The following P2RX5 variants were observed in gnomAD, a reference collection of about 807,000 sequenced individuals.
P2RX5 encodes purinergic receptor P2X 5.
P2RX5 carries 46 observed loss-of-function variants against 54.1 expected under a neutral mutation model. That is an observed-to-expected ratio of 0.85 (90% confidence interval 0.67 to 1.09). The LOEUF is 1.09. P2RX5 is among the 50% of genes least tolerant of loss of function. The pLI is 0.00. For missense variants in P2RX5, 566 were observed against 549.8 expected (o/e 1.03, Z -0.29); for synonymous variants, 226 against 226.4 (o/e 1.00, Z 0.02).
At chr17:3,723,374 C>G in the P2RX5 span, 1 of 1,612,200 alleles carries the variant, frequency 6.2e-7, no homozygotes, top group Non-Finnish European at 8.5e-7. Flanking sequence ...GAATGCCATT[C>G]TTCCACATGC....
At chr17:3,685,171 A>G (rs1337738834) in intron 9 of P2RX5, among the ~76,000 whole-genome samples, 1 of 152,064 alleles carries the variant, frequency 6.6e-6, no homozygotes, top group African/African-American at 2.4e-5. Context: ...TAGCAGAAGT[A>G]GAGATAGAGA....
Position 3,696,125 on chromosome 17 carries a change from C to T in P2RX5, c.-120G>A. On this transcript the variant is annotated 5_prime_UTR_variant, in exon 1 of 12. Coordinates refer to ENST00000225328, the MANE Select transcript of P2RX5 (RefSeq NM_002561.4). ...CGGCCCGTCTGCGCCCGCTCAGCTGCAGCCCGGGGTGTCCGGCAGGGCTGC... is the reference window on the plus strand; with the variant it reads ...CGGCCCGTCTGCGCCCGCTCAGCTGTAGCCCGGGGTGTCCGGCAGGGCTGC... The T allele has an allele frequency of 3.6e-6, 4 of 1,098,380 alleles. No homozygotes were observed. Among genetic ancestry groups the T allele is most frequent in the Non-Finnish European group, 3.6e-6 (3 of 833,080 alleles). 68.0% of individuals were successfully genotyped at this position (1,098,380 alleles called of 1,614,324 possible). A position where few individuals can be genotyped will look rare whatever the true frequency, so the allele number is the denominator to read the frequency against.
chr17:3,691,031 A>G lies in P2RX5; in HGVS notation c.289-4T>C, dbSNP rs780114576. ...CCACAAAAAAGACGTTCTCTCCCTA[A>G]GGAACCAGAGAGGCACTGAGGAACC... On this transcript the variant is annotated splice_region_variant and splice_polypyrimidine_tract_variant and intron_variant, in intron 2 of 11. Transcript: ENST00000225328. 1 of 1,610,374 alleles carries G rather than the reference A, an allele frequency of 6.2e-7. No individual in the cohort carries two copies. Among genetic ancestry groups the G allele is most frequent in the African/African-American group, 1.3e-5 (1 of 74,988 alleles).
intron 11 of P2RX5, among the ~76,000 whole-genome samples, chr17:3,676,867 GC>G (rs1376688585): frequency 6.6e-6 from 1 of 152,182 alleles, no homozygotes; most frequent in African/African-American, 2.4e-5. Flanking sequence ...TTGGAGACCA[GC>G]CTGGCCAACA....
chr17:3,702,825 C>T, the P2RX5 span, among the ~76,000 whole-genome samples: 1 of 152,224 alleles, frequency 6.6e-6, no homozygotes, highest in East Asian at 1.9e-4. Flanking sequence ...AGCCACTGTA[C>T]CCAGCCTGCC....
intron 11 of P2RX5, chr17:3,677,715 TTGG>T: frequency 1.0e-6 from 1 of 985,384 alleles, no homozygotes; most frequent in Non-Finnish European, 1.2e-6. Context: ...TAAGCACCTC[TTGG>T]TGGGCCCAGC....
the P2RX5 span, among the ~76,000 whole-genome samples, chr17:3,714,447 C>T: frequency 1.4e-4 from 20 of 143,990 alleles, no homozygotes; most frequent in Non-Finnish European, 2.1e-4. Context: ...AGGATAGTCT[C>T]GATCTCTTGA....
the P2RX5 span, among the ~76,000 whole-genome samples, chr17:3,711,835 C>T: frequency 6.6e-6 from 1 of 152,358 alleles, no homozygotes; most frequent in African/African-American, 2.4e-5. Flanking sequence ...GCTGGGACTA[C>T]AGGTGTATGC....
At chr17:3,721,260 CTTTTTTTTTT>C in the P2RX5 span, among the ~76,000 whole-genome samples, 4 of 46,202 alleles carry the variant, frequency 8.7e-5, no homozygotes, top group South Asian at 1.2e-3. Context: ...GAGATTTTTC[CTTTTTTTTTT>C]TTTTTTTTTT....
Position 3,691,034 on chromosome 17 carries a change from A to T in P2RX5, c.289-7T>A. On this transcript the variant is annotated splice_region_variant and splice_polypyrimidine_tract_variant and intron_variant, in intron 2 of 11. Transcript: ENST00000225328. ...CAAAAAAGACGTTCTCTCCCTAAGG[A>T]ACCAGAGAGGCACTGAGGAACCTCC... 6.2e-7 allele frequency: 1 copy of T among 1,609,242 alleles called. No homozygotes were observed. Among genetic ancestry groups the T allele is most frequent in the Non-Finnish European group, 8.5e-7 (1 of 1,176,898 alleles).
upstream of P2RX5, among the ~76,000 whole-genome samples, chr17:3,699,573 G>A (rs773534330): frequency 1.3e-4 from 20 of 151,876 alleles, no homozygotes; most frequent in East Asian, 7.7e-4. Context: ...TTGGGAGGCC[G>A]AGGCAGGTAG....
chr17:3,696,057 G>C lies in P2RX5; in HGVS notation c.-52C>G. 6.2e-7 allele frequency: 1 copy of C among 1,603,060 alleles called. No individual in the cohort carries two copies. Among genetic ancestry groups the C allele is most frequent in the Non-Finnish European group, 8.5e-7 (1 of 1,173,662 alleles). On this transcript the variant is annotated 5_prime_UTR_variant, in exon 1 of 12. Transcript: ENST00000225328. ...CCGCCCGGCCCACGTGCGCTCATGG[G>C]GAGCACTCGGTCCCTCGGTCCCTGC...
intron 10 of P2RX5, among the ~76,000 whole-genome samples, chr17:3,680,335 C>T (rs2050224794): frequency 7.1e-6 from 1 of 140,422 alleles, no homozygotes; most frequent in African/African-American, 2.7e-5. Flanking sequence ...CTGCATCCTC[C>T]ACCCTGCGTC....
At chr17:3,699,946 GAAA>G (rs1444263879), upstream of P2RX5, among the ~76,000 whole-genome samples, 170 of 127,306 alleles carry the variant, frequency 1.3e-3, 3 homozygotes, top group Non-Finnish European at 3.5e-4. Flanking sequence ...AAGAAAGAAA[GAAA>G]GAAAGAAAGA....
chr17:3,717,267 A>C, the P2RX5 span: 1 of 156,724 alleles, frequency 6.4e-6, no homozygotes, highest in Non-Finnish European at 1.4e-5. Context: ...ACAGATCCCT[A>C]AAGGCTTTGG....
intron 9 of P2RX5, 24 bp downstream of exon 9, chr17:3,687,988 C>A: frequency 1.0e-6 from 1 of 990,534 alleles, no homozygotes; most frequent in Admixed American, 2.1e-5. Flanking sequence ...CGCCCAGCCT[C>A]AGAACAGGAG....
intron 9 of P2RX5, among the ~76,000 whole-genome samples, chr17:3,684,556 C>T (rs1434029873): frequency 1.3e-5 from 2 of 152,212 alleles, no homozygotes; most frequent in African/African-American, 4.8e-5. Context: ...GAGCCATGAT[C>T]ATGCCACTGC....
the P2RX5 span, chr17:3,723,348 G>A: frequency 6.2e-7 from 1 of 1,613,862 alleles, no homozygotes; most frequent in East Asian, 2.2e-5. Context: ...TATCTGAAGC[G>A]ATGACACAGC....
intron 9 of P2RX5, chr17:3,682,609 C>T (rs575717178): frequency 6.1e-6 from 1 of 162,990 alleles, no homozygotes; most frequent in East Asian, 1.8e-4. Flanking sequence ...GGTCCTCATC[C>T]TTTAGGTGAG....
Sources: gnomAD v4.1 joint callset for allele counts (sites outside exome capture counted in the v4.1 genomes callset) on GRCh38, gnomAD v4.1.1 for gene constraint, MANE v1.5 for transcripts, NCBI Gene and HGNC (gene_info 2026-07-23, HGNC 2026-07-21) for gene names.